Variants in NCKAP5 observed in about 807,000 individuals in gnomAD.
The protein encoded by NCKAP5 is nck-associated protein 5.
A neutral mutation model predicts 167.0 loss-of-function variants in NCKAP5; 92 were observed. That is an observed-to-expected ratio of 0.55 (90% confidence interval 0.47 to 0.66). The LOEUF is 0.66. NCKAP5 is among the 30% of genes least tolerant of loss of function. The pLI is 0.00. For missense variants in NCKAP5, 2,378 were observed against 2,315.0 expected, an observed-to-expected ratio of 1.03 and a Z score of -0.56; for synonymous variants, 891 against 877.4, an observed-to-expected ratio of 1.02 and a Z score of -0.27.
chr2:132,908,746 A>G (rs907428064), intron 8 of NCKAP5, among the ~76,000 whole-genome samples: 2 of 152,336 alleles, frequency 1.3e-5, no homozygotes, highest in Admixed American at 1.3e-4. Flanking sequence ...CAGTTATGCT[A>G]CCTTCCCAGT....
At chr2:132,817,438 C>T (rs535328947) in intron 11 of NCKAP5, among the ~76,000 whole-genome samples, 13 of 99,000 alleles carry the variant, frequency 1.3e-4, no homozygotes, top group African/African-American at 7.5e-4. Flanking sequence ...TAATATGTTA[C>T]AAGAAATAAA....
intron 16 of NCKAP5, among the ~76,000 whole-genome samples, chr2:132,747,631 G>A (rs1198801951): frequency 8.6e-6 from 1 of 115,736 alleles, no homozygotes; most frequent in African/African-American, 3.3e-5. Flanking sequence ...AAGGAGCAGA[G>A]CCTCTGATTC....
intron 3 of NCKAP5, among the ~76,000 whole-genome samples, chr2:133,379,281 T>G (rs1252124966): frequency 6.6e-6 from 1 of 152,192 alleles, no homozygotes; most frequent in Non-Finnish European, 1.5e-5. Flanking sequence ...GCATACCTCG[T>G]GATTCAAAAT....
At chr2:132,892,435 A>T (rs1488817026) in intron 8 of NCKAP5, among the ~76,000 whole-genome samples, 2 of 152,090 alleles carry the variant, frequency 1.3e-5, no homozygotes, top group Admixed American at 6.6e-5. Context: ...ATCCCCCACC[A>T]CCAGATGTGC....
At chr2:132,761,934 TC>T (rs1195359731) in intron 16 of NCKAP5, among the ~76,000 whole-genome samples, 1 of 152,184 alleles carries the variant, frequency 6.6e-6, no homozygotes, top group African/African-American at 2.4e-5. Context: ...TGGCCAAGCA[TC>T]TACAAAAGGG....
At chr2:133,175,945 A>G (rs1474458707) in intron 5 of NCKAP5, among the ~76,000 whole-genome samples, 1 of 152,220 alleles carries the variant, frequency 6.6e-6, no homozygotes, top group East Asian at 1.9e-4. Flanking sequence ...TGAGTCTGTT[A>G]AAAATCTTAA....
intron 11 of NCKAP5, among the ~76,000 whole-genome samples, chr2:132,830,549 G>C (rs1235480561): frequency 6.6e-6 from 1 of 151,982 alleles, no homozygotes; most frequent in Non-Finnish European, 1.5e-5. Flanking sequence ...GGCCTATAAG[G>C]CACTTCCCAA....
At chr2:133,627,594 C>T in the NCKAP5 span, among the ~76,000 whole-genome samples, 4 of 151,968 alleles carry the variant, frequency 2.6e-5, no homozygotes, top group African/African-American at 4.8e-5. Context: ...GACAGCACGG[C>T]GAAACCCCGT....
intron 6 of NCKAP5, among the ~76,000 whole-genome samples, chr2:133,016,140 C>A (rs2078326772): frequency 6.6e-6 from 1 of 152,146 alleles, no homozygotes; most frequent in Non-Finnish European, 1.5e-5. Flanking sequence ...TAGCAAAATT[C>A]AGATGACAGT....
intron 6 of NCKAP5, among the ~76,000 whole-genome samples, chr2:133,033,278 T>C (rs1229609424): frequency 6.6e-6 from 1 of 152,178 alleles, no homozygotes; most frequent in African/African-American, 2.4e-5. Flanking sequence ...CCTCTATGAG[T>C]CTGCAAGAAC....
intron 6 of NCKAP5, among the ~76,000 whole-genome samples, chr2:133,096,729 A>G (rs2081355296): frequency 6.6e-6 from 1 of 152,142 alleles, no homozygotes; most frequent in African/African-American, 2.4e-5. Flanking sequence ...AAACTGAAAT[A>G]GGGTATACAG....
intron 6 of NCKAP5, among the ~76,000 whole-genome samples, chr2:133,001,024 T>C (rs183742059): frequency 5.2e-3 from 798 of 152,072 alleles, no homozygotes; most frequent in South Asian, 0.014. Flanking sequence ...GGGATAAGAG[T>C]AATGTTCTGT....
At chr2:133,250,615 A>T (rs1268681220) in intron 4 of NCKAP5, among the ~76,000 whole-genome samples, 1 of 152,238 alleles carries the variant, frequency 6.6e-6, no homozygotes, top group Non-Finnish European at 1.5e-5. Flanking sequence ...AATTGAAAAC[A>T]GGTTCTCTCG....
intron 6 of NCKAP5, among the ~76,000 whole-genome samples, chr2:133,038,528 T>C (rs1446598512): frequency 1.3e-5 from 2 of 151,756 alleles, no homozygotes; most frequent in African/African-American, 2.4e-5. Context: ...CAAAAGAAAA[T>C]AGAAAGAATA....
At chr2:132,716,302 A>T (rs1689364534) in intron 19 of NCKAP5, among the ~76,000 whole-genome samples, 1 of 152,156 alleles carries the variant, frequency 6.6e-6, no homozygotes, top group South Asian at 2.1e-4. Context: ...AGTTAGATTT[A>T]ATTCTGCTCC....
At chr2:133,219,759 T>C (rs576551795) in intron 4 of NCKAP5, among the ~76,000 whole-genome samples, 238 of 152,310 alleles carry the variant, frequency 1.6e-3, no homozygotes, top group African/African-American at 4.8e-3. Context: ...TATTTTTGTA[T>C]GAAAGGGTCT....
chr2:133,670,936 C>T, the NCKAP5 span, among the ~76,000 whole-genome samples: 61 of 152,252 alleles, frequency 4.0e-4, no homozygotes, highest in Admixed American at 1.8e-3. Flanking sequence ...AAAGATGAGG[C>T]CAGGCGCAGT....
At chr2:133,498,896 T>G (rs965355930) in intron 3 of NCKAP5, among the ~76,000 whole-genome samples, 2 of 152,224 alleles carry the variant, frequency 1.3e-5, no homozygotes, top group African/African-American at 4.8e-5. Flanking sequence ...TATCTTGGCT[T>G]CCACAGATAC....
chr2:133,644,820 A>G, the NCKAP5 span, among the ~76,000 whole-genome samples: 11 of 152,330 alleles, frequency 7.2e-5, no homozygotes, highest in East Asian at 5.8e-4. Flanking sequence ...AATACATGTT[A>G]TATCGTTTAA....
Sources: gnomAD v4.1 joint callset for allele counts (sites outside exome capture counted in the v4.1 genomes callset) on GRCh38, gnomAD v4.1.1 for gene constraint, MANE v1.5 for transcripts, NCBI Gene and HGNC (gene_info 2026-07-23, HGNC 2026-07-21) for gene names.